Variants in GRM5 observed in about 807,000 individuals in gnomAD.
GRM5 encodes the protein metabotropic glutamate receptor 5.
In GRM5, 19 loss-of-function variants were observed where a neutral mutation model predicts 83.1. That is an observed-to-expected ratio of 0.23 (90% CI 0.16 to 0.34). The LOEUF is 0.34. GRM5 is among the 10% of genes least tolerant of loss of function. The pLI is 1.00. For synonymous variants in GRM5, 675 were observed against 633.6 expected (o/e 1.07, Z -0.98); for missense variants, 1,160 against 1,588.3 (o/e 0.73, Z 4.58).
chr11:88,962,215 C>T (rs651890), intron 2 of GRM5, among the ~76,000 whole-genome samples: 49,903 of 152,014 alleles, frequency 0.33, 9,825 homozygotes, highest in Non-Finnish European at 0.43. Context: ...CATGCACTCA[C>T]CAATACACTT....
chr11:88,530,185 G>A (rs142568516), intron 8 of GRM5, among the ~76,000 whole-genome samples: 1 of 152,110 alleles, frequency 6.6e-6, no homozygotes, highest in East Asian at 1.9e-4. Context: ...GTTAGTGTAA[G>A]CATTCCCTTA....
intron 2 of GRM5, among the ~76,000 whole-genome samples, chr11:88,949,827 G>T (rs1231186931): frequency 6.6e-6 from 1 of 152,008 alleles, no homozygotes; most frequent in Non-Finnish European, 1.5e-5. Context: ...CAGTATTTTA[G>T]GAGCCAAAAA....
intron 9 of GRM5, chr11:88,512,154 A>G (rs1941390674): frequency 6.5e-6 from 1 of 154,324 alleles, no homozygotes; most frequent in South Asian, 2.0e-4. Context: ...AGCATGTTGC[A>G]AAACCTCTAG....
intron 2 of GRM5, among the ~76,000 whole-genome samples, chr11:88,891,634 G>A (rs375844270): frequency 1.5e-5 from 2 of 131,254 alleles, no homozygotes; most frequent in South Asian, 2.8e-4. Flanking sequence ...TAAAATTATT[G>A]TAAACCACGG....
At position 89,041,353 on chromosome 11, in the gene GRM5, G is replaced by C. The variant is rs547600555; in HGVS notation, c.661+5859C>G. On this transcript the variant is annotated intron_variant, in intron 2 of 9. Coordinates refer to ENST00000305447, the MANE Select transcript of GRM5 (RefSeq NM_001143831.3). ...TCAGCTTAGTCATCCTGGACATGGA[G>C]TATTTGTGGGAGTTTTCTAGTATTT... Among the ~76,000 whole-genome samples, 13 of 152,336 alleles carry C rather than the reference G, an allele frequency of 8.5e-5. No homozygotes were observed. In the South Asian group the frequency reaches 2.7e-3, roughly 32 times the overall value.
chr11:88,524,214 C>CTTTCT lies in GRM5; in HGVS notation c.2726+1094_2726+1095insAGAAA, dbSNP rs1555060035. Among the ~76,000 whole-genome samples the CTTTCT allele has an allele frequency of 8.0e-3, 809 of 101,454 alleles. 24 individuals carry two copies. Among genetic ancestry groups the CTTTCT allele is most frequent in the African/African-American group, 0.034 (763 of 22,268 alleles). The allele number at this position is 101,454 out of a possible 152,430, so 66.6% of individuals were successfully genotyped here. A position where few individuals can be genotyped will look rare whatever the true frequency, so the allele number is the denominator to read the frequency against. On this transcript the variant is annotated intron_variant, in intron 9 of 9. Coordinates refer to ENST00000305447, the MANE Select transcript of GRM5 (RefSeq NM_001143831.3). ...TTTTTCTTTCTTTCTTTCTTTCTTT[C>CTTTCT]TTTTTTTTTTTTTTTTTTTTTGAGA...
At chr11:88,524,645 A>C (rs1438425330) in intron 9 of GRM5, among the ~76,000 whole-genome samples, 1 of 152,270 alleles carries the variant, frequency 6.6e-6, no homozygotes, top group African/African-American at 2.4e-5. Context: ...AGGAGTGCCT[A>C]GTATAAAAGA....
At chr11:88,804,032 A>C (rs985767263) in intron 3 of GRM5, among the ~76,000 whole-genome samples, 1 of 151,774 alleles carries the variant, frequency 6.6e-6, no homozygotes, top group Non-Finnish European at 1.5e-5. Context: ...AAAGTCAGGA[A>C]ACAACAGGTG....
At chr11:88,806,455 T>C (rs1204133240) in intron 3 of GRM5, among the ~76,000 whole-genome samples, 5 of 152,242 alleles carry the variant, frequency 3.3e-5, no homozygotes, top group Non-Finnish European at 7.3e-5. Context: ...TCAATTTTAA[T>C]GGTCAATTTA....
At chr11:88,924,536 C>CA (rs1385666185) in intron 2 of GRM5, among the ~76,000 whole-genome samples, 1 of 151,948 alleles carries the variant, frequency 6.6e-6, no homozygotes, top group East Asian at 1.9e-4. Flanking sequence ...TATACTAAGT[C>CA]AAATAAGCCA....
At chr11:88,843,992 A>C (rs529530624) in intron 3 of GRM5, among the ~76,000 whole-genome samples, 3 of 152,360 alleles carry the variant, frequency 2.0e-5, no homozygotes, top group Non-Finnish European at 2.9e-5. Context: ...CTGTAACATC[A>C]AAGTGCTGGG....
At chr11:88,613,420 C>A (rs1424543523) in intron 4 of GRM5, among the ~76,000 whole-genome samples, 3 of 152,104 alleles carry the variant, frequency 2.0e-5, no homozygotes. Flanking sequence ...GTTGAGTCTT[C>A]TTGTTTGTAT....
chr11:88,853,095 C>T lies in GRM5; in HGVS notation c.662-2940G>A, dbSNP rs531639005. ...TCATTTTAAATAAATAGAAGTAAGACAGAATCCATAGAACGTTCTTCTTTA... is the reference window on the plus strand; with the variant it reads ...TCATTTTAAATAAATAGAAGTAAGATAGAATCCATAGAACGTTCTTCTTTA... On this transcript the variant is annotated intron_variant, in intron 2 of 9. Transcript: ENST00000305447. Among the ~76,000 whole-genome samples the T allele has an allele frequency of 5.3e-5, 8 of 152,146 alleles. No individual in the cohort carries two copies. The South Asian group carries it at 1.4e-3, about 28-fold the overall frequency.
intron 3 of GRM5, among the ~76,000 whole-genome samples, chr11:88,762,505 G>A (rs1298007736): frequency 1.3e-5 from 2 of 151,578 alleles, no homozygotes; most frequent in South Asian, 2.1e-4. Context: ...CACTCAGAAT[G>A]TATTATTAAA....
chr11:88,743,438 T>C lies in GRM5; in HGVS notation c.912-90035A>G, dbSNP rs575851387. Among the ~76,000 whole-genome samples, 10 of 152,214 alleles carry C rather than the reference T, an allele frequency of 6.6e-5. No individual in the cohort carries two copies. In the South Asian group the frequency reaches 2.1e-3, roughly 32 times the overall value. ...TTATCTCAATCTCAGTTTCCAAACA[T>C]CTAGGACATCCACACTTCTCATGCC... is the stretch of plus-strand genomic sequence containing the variant. On this transcript the variant is annotated intron_variant, in intron 3 of 9. Transcript: ENST00000305447.
chr11:88,928,727 T>A (rs1945834499), intron 2 of GRM5, among the ~76,000 whole-genome samples: 2 of 151,992 alleles, frequency 1.3e-5, no homozygotes, highest in African/African-American at 4.8e-5. Context: ...TTTAGATATT[T>A]TATTAAATAT....
chr11:88,705,672 T>C (rs1156977698), intron 3 of GRM5, among the ~76,000 whole-genome samples: 3 of 151,796 alleles, frequency 2.0e-5, no homozygotes, highest in Non-Finnish European at 4.4e-5. Flanking sequence ...TTCTCTCTGC[T>C]TTCTGCTAAT....
At position 88,506,582 on chromosome 11, in the gene GRM5, C is replaced by G. The variant is rs1212945241; in HGVS notation, c.*2010G>C. Reference sequence around the variant, plus strand: ...AAAGCCTCGGTGTAATATTTGGGATCAGGGTGCTGTGATGATGTTATTTTC... The same window carrying G: ...AAAGCCTCGGTGTAATATTTGGGATGAGGGTGCTGTGATGATGTTATTTTC... On this transcript the variant is annotated 3_prime_UTR_variant, in exon 10 of 10. Coordinates refer to ENST00000305447, the MANE Select transcript of GRM5 (RefSeq NM_001143831.3). 6.6e-6 allele frequency: 1 copy of G among 152,110 alleles called. No homozygotes were observed. Among genetic ancestry groups the G allele is most frequent in the Non-Finnish European group, 1.5e-5 (1 of 68,018 alleles). 9.4% of individuals were successfully genotyped at this position (152,110 alleles called of 1,614,324 possible).
intron 2 of GRM5, among the ~76,000 whole-genome samples, chr11:88,978,474 T>TAAAAAAAAAAAAAAAAAAAAAAAAA (rs200343438): frequency 2.0e-5 from 2 of 97,986 alleles, no homozygotes; most frequent in Non-Finnish European, 2.1e-5. Context: ...CAGATGAGCT[T>TAAAAAAAAAAAAAAAAAAAAAAAAA]AAAAAAAAAA....
Sources: allele counts gnomAD v4.1 joint callset (sites outside exome capture counted in the v4.1 genomes callset), GRCh38; gene constraint gnomAD v4.1.1; transcripts MANE v1.5; gene names NCBI Gene and HGNC (gene_info 2026-07-23, HGNC 2026-07-21).